The following ALMS1 variants were observed in gnomAD, a reference collection of about 807,000 sequenced individuals.
ALMS1 encodes ALMS1 centrosome and basal body associated protein, also known as centrosome-associated protein ALMS1.
ALMS1 carries 271 observed loss-of-function variants against 352.2 expected under a neutral mutation model. That is an observed-to-expected ratio of 0.77 (90% CI 0.70 to 0.85). The LOEUF (loss-of-function observed/expected upper bound fraction) is 0.85. Among genes scored for constraint, ALMS1 ranks in the 40% least tolerant of loss-of-function variants. The pLI is 0.00. For synonymous variants in ALMS1, 1,865 were observed against 1,761.2 expected (o/e 1.06, Z -1.48); for missense variants, 5,445 against 4,870.7 (o/e 1.12, Z -3.51).
In ALMS1 at chr2:73,563,665, G is replaced by A. The variant is rs184588113; in HGVS notation, c.10384+4523G>A. Among the ~76,000 whole-genome samples the A allele has an allele frequency of 1.2e-4, 18 of 148,406 alleles. No individual in the cohort carries two copies. In the East Asian group the frequency reaches 3.4e-3, roughly 28 times the overall value. On this transcript the variant is annotated intron_variant, in intron 15 of 22. Coordinates refer to ENST00000613296, the MANE Select transcript of ALMS1 (RefSeq NM_001378454.1). ...ATGAACCTGGGCGGCAGAGCTTGCA[G>A]TGAGCCGAGATCACGCCACTGCACT...
chr2:73,599,304 A>G (rs1197252966), intron 16 of ALMS1, 97 bp from the exon 17 acceptor site: 1 of 1,495,530 alleles, frequency 6.7e-7, no homozygotes, highest in Non-Finnish European at 9.2e-7. Context: ...AACAGTTTGA[A>G]TTGGATTAGA....
At chr2:73,412,231 G>T (rs1315338556) in intron 2 of ALMS1, among the ~76,000 whole-genome samples, 2 of 152,194 alleles carry the variant, frequency 1.3e-5, no homozygotes, top group South Asian at 2.1e-4. Context: ...AAAAGTTCCT[G>T]TGTGCCCCTT....
intron 10 of ALMS1, among the ~76,000 whole-genome samples, chr2:73,510,121 C>G (rs1468197893): frequency 6.6e-6 from 1 of 152,172 alleles, no homozygotes; most frequent in Non-Finnish European, 1.5e-5. Context: ...ATTCCTCTAA[C>G]CTTTTATCAA....
At position 73,467,526 on chromosome 2, in the gene ALMS1, C is replaced by T. The variant is rs530707907; in HGVS notation, c.7674+12231C>T. ...GATGGGAAGGTAAACTGGTACACAA[C>T]TCTTAAAATAATTTATAGTTATTTC... On this transcript the variant is annotated intron_variant, in intron 9 of 22. Transcript: ENST00000613296. 1.2e-4 allele frequency among the ~76,000 whole-genome samples: 18 copies of T among 152,218 alleles called. No homozygotes were observed. The South Asian group carries it at 3.1e-3, about 26-fold the overall frequency.
chr2:73,426,700 C>T (rs1671386890), intron 6 of ALMS1, 147 bp downstream of exon 6: 3 of 806,132 alleles, frequency 3.7e-6, no homozygotes, highest in South Asian at 3.0e-5. Flanking sequence ...ATTGAGCTAG[C>T]AGCTTTAGAG....
At chr2:73,428,148 T>A (rs780166459) in intron 6 of ALMS1, among the ~76,000 whole-genome samples, 5 of 152,200 alleles carry the variant, frequency 3.3e-5, no homozygotes, top group African/African-American at 7.2e-5. Flanking sequence ...AGTTAACACT[T>A]TGTGCTCAAG....
At chr2:73,577,947 G>A (rs1675087941) in intron 16 of ALMS1, among the ~76,000 whole-genome samples, 1 of 152,094 alleles carries the variant, frequency 6.6e-6, no homozygotes, top group Non-Finnish European at 1.5e-5. Flanking sequence ...CTTTTGTCCA[G>A]TTTTTCTATG....
chr2:73,502,964 A>G (rs1030264487), intron 10 of ALMS1, among the ~76,000 whole-genome samples: 2 of 152,180 alleles, frequency 1.3e-5, no homozygotes, highest in South Asian at 2.1e-4. Context: ...TTCGTGTAAT[A>G]TAGTCTCATT....
chr2:73,475,190 A>G (rs941827105), intron 9 of ALMS1, among the ~76,000 whole-genome samples: 5 of 152,124 alleles, frequency 3.3e-5, no homozygotes, highest in Non-Finnish European at 2.9e-5. Flanking sequence ...TAGTGCTGCT[A>G]TGAACATAGT....
In ALMS1 at chr2:73,422,859, A is replaced by G. The variant is rs200944504; in HGVS notation, c.649A>G (p.Ile217Val). ...ATTTAATATTTGAAACTTTACAGTC[A>G]TACAAGATAGCTTTGCTTCTCCTGA... ...RDLFCSPLLV[I>V]QDSFASPDLP... Residue 217 changes from isoleucine to valine, a missense_variant and splice_region_variant, in exon 4 of 23, where the codon ATA becomes GTA. Transcript: ENST00000613296. 2.4e-4 allele frequency: 384 copies of G among 1,609,980 alleles called. 1 individual carries two copies. The highest frequency in any genetic ancestry group is 3.1e-4 in the Non-Finnish European group (366 of 1,176,476).
chr2:73,492,265 G>A (rs1026666801), intron 10 of ALMS1, among the ~76,000 whole-genome samples: 1 of 152,124 alleles, frequency 6.6e-6, no homozygotes, highest in African/African-American at 2.4e-5. Context: ...AGTGGAGAGC[G>A]CTAGGCTTGG....
chr2:73,592,232 A>T (rs1675449721), intron 16 of ALMS1, among the ~76,000 whole-genome samples: 1 of 152,214 alleles, frequency 6.6e-6, no homozygotes, highest in African/African-American at 2.4e-5. Context: ...GATCAACCAC[A>T]CTGGCAGAAA....
intron 10 of ALMS1, among the ~76,000 whole-genome samples, chr2:73,494,389 G>T (rs759438577): frequency 6.6e-6 from 1 of 152,070 alleles, no homozygotes; most frequent in Non-Finnish European, 1.5e-5. Context: ...ACATCTTACC[G>T]TAACATCATA....
At chr2:73,478,607 AT>A (rs1186924810) in intron 9 of ALMS1, among the ~76,000 whole-genome samples, 1 of 133,810 alleles carries the variant, frequency 7.5e-6, no homozygotes, top group Non-Finnish European at 1.6e-5. Flanking sequence ...TTTTACATCT[AT>A]TTTTATCAGC....
intron 6 of ALMS1, among the ~76,000 whole-genome samples, chr2:73,431,089 T>A (rs1204792693): frequency 1.3e-5 from 2 of 152,028 alleles, no homozygotes; most frequent in African/African-American, 4.8e-5. Context: ...TCCTGAGTAT[T>A]GTAGGATGTT....
intron 1 of ALMS1, among the ~76,000 whole-genome samples, chr2:73,405,214 A>G (rs1262990625): frequency 6.6e-6 from 1 of 151,870 alleles, no homozygotes; most frequent in Admixed American, 6.6e-5. Context: ...GCGCCTGGCC[A>G]TGGGCTTTTC....
intron 1 of ALMS1, among the ~76,000 whole-genome samples, chr2:73,386,963 C>T (rs1396739496): frequency 6.6e-6 from 1 of 152,134 alleles, no homozygotes; most frequent in Non-Finnish European, 1.5e-5. Context: ...CTTTTTACAT[C>T]TTAAAGAGAA....
chr2:73,577,637 T>A (rs1397345161), intron 16 of ALMS1, among the ~76,000 whole-genome samples: 1 of 152,172 alleles, frequency 6.6e-6, no homozygotes, highest in Non-Finnish European at 1.5e-5. Context: ...TTCTTTTTCA[T>A]TCAAAATGTT....
In ALMS1 at chr2:73,489,151, T is replaced by C. The variant is rs1165594851; in HGVS notation, c.7675-483T>C. On this transcript the variant is annotated intron_variant, in intron 9 of 22. Coordinates refer to ENST00000613296, the MANE Select transcript of ALMS1 (RefSeq NM_001378454.1). ...AATAGTGATGATAGTGGTGGTGATA[T>C]TGGGGGAACATGCAGGTCAAGAACT... 3.3e-5 allele frequency among the ~76,000 whole-genome samples: 5 copies of C among 152,164 alleles called. No homozygotes were observed. In the East Asian group the frequency reaches 9.6e-4, roughly 29 times the overall value.
Sources: allele counts gnomAD v4.1 joint callset (sites outside exome capture counted in the v4.1 genomes callset), GRCh38; gene constraint gnomAD v4.1.1; transcripts MANE v1.5; gene names NCBI Gene and HGNC (gene_info 2026-07-23, HGNC 2026-07-21).